ZNF462: variants seen among roughly 807,000 people sequenced by gnomAD.
The protein encoded by ZNF462 is zinc finger PBX1-interacting protein.
In ZNF462, 10 loss-of-function variants were observed where a neutral mutation model predicts 201.9. That is an observed-to-expected ratio of 0.05 (90% CI 0.03 to 0.08). ZNF462 has a LOEUF of 0.08. Among genes scored for constraint, ZNF462 ranks in the 10% least tolerant of loss-of-function variants. The pLI is 1.00. For synonymous variants in ZNF462, 1,227 were observed against 1,193.3 expected (o/e 1.03, Z -0.58); for missense variants, 2,523 against 3,168.3 (o/e 0.80, Z 4.89).
rs541966441 is a variant in ZNF462 at position 106,928,660 on chromosome 9, C to T, written c.4748C>T (p.Pro1583Leu). The T allele has an allele frequency of 1.9e-5, 30 of 1,614,112 alleles. No homozygotes were observed. Among genetic ancestry groups the T allele is most frequent in the African/African-American group, 1.5e-4 (11 of 75,016 alleles). Residue 1583 changes from proline to leucine, a missense_variant, in exon 3 of 13, where the codon CCG (proline) becomes CTG (leucine). Physicochemically the swap from Pro to Leu is moderately conservative, Grantham distance 98. Transcript: ENST00000277225. The surrounding 1 kb of genome is among the most constrained non-coding windows in gnomAD (Gnocchi z 9.3). ...GGCGCCTACCGGTGCAAACTGTGTC[C>T]GTACACACACGGCACTTTGGAGAAA... ...GYGAYRCKLC[P>L]YTHGTLEKLK...
At position 106,993,197 on chromosome 9, in the gene ZNF462, C is replaced by G. The variant is rs1828424885; in HGVS notation, c.7056+8788C>G. On this transcript the variant is annotated intron_variant, in intron 10 of 12. Transcript: ENST00000277225. This position sits in a 1 kb window ranked among gnomAD's most constrained non-coding sequence, Gnocchi z 4.0. The stretch of plus-strand genomic sequence containing the variant: ...TTCAAAACTGGACTTCTGAATTCTG[C>G]CTGCAAAGGTTATAAACCTCAGGAA... 6.6e-6 allele frequency among the ~76,000 whole-genome samples: 1 copy of G among 152,128 alleles called. No homozygotes were observed. The highest frequency in any genetic ancestry group is 2.1e-4 in the South Asian group (1 of 4,836).
intron 10 of ZNF462, among the ~76,000 whole-genome samples, chr9:107,001,601 A>G (rs116629176): frequency 0.012 from 1,767 of 152,278 alleles, 36 homozygotes; most frequent in African/African-American, 0.04. Context: ...AAGGAAATCA[A>G]TGAAAATGTA....
At chr9:106,916,198 C>T (rs943848594) in intron 1 of ZNF462, among the ~76,000 whole-genome samples, 14 of 152,132 alleles carry the variant, frequency 9.2e-5, no homozygotes, top group Non-Finnish European at 2.1e-4. Flanking sequence ...GATTCATTCA[C>T]TGAATCTGTA....
chr9:106,964,008 C>CGTGTGTGTGTGTGT (rs111450825), intron 7 of ZNF462, among the ~76,000 whole-genome samples: 2 of 146,648 alleles, frequency 1.4e-5, no homozygotes, highest in African/African-American at 5.0e-5. Flanking sequence ...AAATAATATT[C>CGTGTGTGTGTGTGT]GTGTGTGTGT....
chr9:107,007,130 T>C (rs1829606257), intron 11 of ZNF462, among the ~76,000 whole-genome samples: 1 of 152,202 alleles, frequency 6.6e-6, no homozygotes, highest in Non-Finnish European at 1.5e-5. Context: ...CTGTTTCTCA[T>C]TGGATATTAT....
Position 107,010,920 on chromosome 9 carries a change from G to T in ZNF462, c.7411G>T (p.Asp2471Tyr), listed in dbSNP as rs373676661. 22 of 1,613,676 alleles carry T rather than the reference G, an allele frequency of 1.4e-5. No homozygotes were observed. Among genetic ancestry groups the T allele is most frequent in the Non-Finnish European group, 1.9e-5 (22 of 1,179,892 alleles). ...VKMPSIEEKE[D>Y]DEAIGIDFSL... ...AATGCCCTCCATAGAGGAAAAGGAA[G>T]ATGACGAGGCCATTGGGATAGACTT... Residue 2471 changes from aspartate to tyrosine, a missense_variant, in exon 13 of 13, where the codon GAT becomes TAT. Around this residue, in one of 15 missense-constraint regions of ZNF462, gnomAD observed 67 missense variants for 63.2 expected, o/e 1.06. Coordinates refer to ENST00000277225, the MANE Select transcript of ZNF462 (RefSeq NM_021224.6). This position sits in a 1 kb window ranked among gnomAD's most constrained non-coding sequence, Gnocchi z 4.6.
intron 1 of ZNF462, among the ~76,000 whole-genome samples, chr9:106,884,521 A>G (rs757198567): frequency 7.2e-5 from 11 of 152,090 alleles, no homozygotes; most frequent in Non-Finnish European, 1.5e-4. Flanking sequence ...GTGACAGGCT[A>G]CATACTGCAA....
At position 107,006,683 on chromosome 9, in the gene ZNF462, A is replaced by G. The variant is rs866173669; in HGVS notation, c.7190-2862A>G. On this transcript the variant is annotated intron_variant, in intron 11 of 12. Transcript: ENST00000277225. The surrounding 1 kb of genome is among the most constrained non-coding windows in gnomAD (Gnocchi z 4.3). ...CCTGACTTGCACTCACCCTCCTACC[A>G]TGATGCCAGGGCTAAAGACTATGGG... is the stretch of plus-strand genomic sequence containing the variant. Among the ~76,000 whole-genome samples, 68 of 152,072 alleles carry G rather than the reference A, an allele frequency of 4.5e-4. No individual in the cohort carries two copies. Among genetic ancestry groups the G allele is most frequent in the African/African-American group, 1.6e-3 (66 of 41,492 alleles).
intron 7 of ZNF462, among the ~76,000 whole-genome samples, chr9:106,971,283 C>A (rs907222377): frequency 6.6e-6 from 1 of 151,084 alleles, no homozygotes. Flanking sequence ...CGTGTAGACG[C>A]CTGTGTACAT....
At chr9:106,888,896 C>G (rs1828447509) in intron 1 of ZNF462, among the ~76,000 whole-genome samples, 1 of 152,224 alleles carries the variant, frequency 6.6e-6, no homozygotes, top group Non-Finnish European at 1.5e-5. Context: ...TCAATCTAAC[C>G]TTGAGCCTTT....
In ZNF462 at chr9:106,924,853, A is replaced by G. The variant is rs1830126246; in HGVS notation, c.941A>G (p.Asn314Ser). 2.5e-6 allele frequency: 4 copies of G among 1,614,178 alleles called. No homozygotes were observed. Among genetic ancestry groups the G allele is most frequent in the South Asian group, 1.1e-5 (1 of 91,078 alleles). The part of the protein sequence containing the change: ...TMNAASREIP[N>S]TTVSNFRGSM... ...AATGCTGCAAGCCGGGAGATACCCA[A>G]TACTACCGTCTCCAACTTCAGGGGC... The change falls in exon 3 of 13, where the codon AAT becomes AGT. Residue 314 changes from asparagine to serine, a missense_variant. Physicochemically the swap from Asn to Ser is conservative, Grantham distance 46 (BLOSUM62 1). Coordinates refer to ENST00000277225, the MANE Select transcript of ZNF462 (RefSeq NM_021224.6). The surrounding 1 kb of genome is among the most constrained non-coding windows in gnomAD (Gnocchi z 6.2).
intron 10 of ZNF462, chr9:106,995,529 ATTATAATGGGAAAAGC>A (rs1055342747): frequency 6.6e-6 from 1 of 152,134 alleles, no homozygotes; most frequent in African/African-American, 2.4e-5. Flanking sequence ...GATGATTTGC[ATTATAATGGGAAAAGC>A]TTGAGCTGTG....
rs775387220 is a variant in ZNF462, at chr9:106,930,733, C to A, written c.6012+44C>A. 6.2e-6 allele frequency: 10 copies of A among 1,605,512 alleles called. No individual in the cohort carries two copies. In the Admixed American group the frequency reaches 1.0e-4, roughly 16 times the overall value. On this transcript the variant is annotated intron_variant, in intron 4 of 12. Coordinates refer to ENST00000277225, the MANE Select transcript of ZNF462 (RefSeq NM_021224.6). The surrounding 1 kb of genome is among the most constrained non-coding windows in gnomAD (Gnocchi z 5.8). ...GGATGAGCATTGTGTGTGAGCGATT[C>A]GAGTTACTTATTAACCCCATTGCCT...
chr9:106,960,504 T>C (rs1009243514), intron 7 of ZNF462, among the ~76,000 whole-genome samples: 11 of 152,098 alleles, frequency 7.2e-5, no homozygotes, highest in Non-Finnish European at 1.2e-4. Flanking sequence ...ATTTTTTCAG[T>C]GTGGTAAAGA....
At chr9:106,982,156 T>C (rs1413254181) in intron 9 of ZNF462, among the ~76,000 whole-genome samples, 1 of 152,240 alleles carries the variant, frequency 6.6e-6, no homozygotes, top group Non-Finnish European at 1.5e-5. Context: ...GTTCTGTCCA[T>C]GAGTGCCTTA....
chr9:106,940,366 G>A (rs1830816235), intron 7 of ZNF462, among the ~76,000 whole-genome samples: 1 of 152,134 alleles, frequency 6.6e-6, no homozygotes, highest in South Asian at 2.1e-4. Context: ...TATTTTTAAT[G>A]TGTGTGTTTA....
rs563104796 is a variant in ZNF462, at chr9:106,962,376, CA to C, written c.6428-9623del. On this transcript the variant is annotated intron_variant, in intron 7 of 12. Coordinates refer to ENST00000277225, the MANE Select transcript of ZNF462 (RefSeq NM_021224.6). This position sits in a 1 kb window ranked among gnomAD's most constrained non-coding sequence, Gnocchi z 4.6. Reference sequence around the variant, plus strand: ...GGTGAATGAATGGTGATGTCATTGACAAAAAATATAGAAAGACAAATGAATA... The same window carrying C: ...GGTGAATGAATGGTGATGTCATTGACAAAAATATAGAAAGACAAATGAATA... Among the ~76,000 whole-genome samples, 89 of 151,852 alleles carry C rather than the reference CA, an allele frequency of 5.9e-4. No homozygotes were observed. Among genetic ancestry groups the C allele is most frequent in the African/African-American group, 2.1e-3 (86 of 41,428 alleles).
intron 7 of ZNF462, among the ~76,000 whole-genome samples, chr9:106,971,320 G>A (rs1261045514): frequency 1.3e-5 from 2 of 151,520 alleles, no homozygotes; most frequent in Non-Finnish European, 2.9e-5. Context: ...CTCACCTACA[G>A]GGAAGGGTAT....
Position 107,006,149 on chromosome 9 carries a change from A to G in ZNF462, c.7189+2723A>G, listed in dbSNP as rs2132703262. Among the ~76,000 whole-genome samples, 1 of 152,130 alleles carries G rather than the reference A, an allele frequency of 6.6e-6. No homozygotes were observed. The highest frequency in any genetic ancestry group is 2.4e-5 in the African/African-American group (1 of 41,502). On this transcript the variant is annotated intron_variant, in intron 11 of 12. Coordinates refer to ENST00000277225, the MANE Select transcript of ZNF462 (RefSeq NM_021224.6). This position sits in a 1 kb window ranked among gnomAD's most constrained non-coding sequence, Gnocchi z 4.3. ...TCCAACTTCGTTCTGTTTGTTTAAG[A>G]TTTCTTTGGCTATCCAGGGTGTGGT...
Sources: allele counts gnomAD v4.1 joint callset (sites outside exome capture counted in the v4.1 genomes callset), GRCh38; gene constraint gnomAD v4.1.1; regional missense constraint gnomAD v4.1.1; non-coding constraint Gnocchi (gnomAD v3.1); transcripts MANE v1.5; gene names NCBI Gene and HGNC (gene_info 2026-07-23, HGNC 2026-07-21).